STAM: variants seen among roughly 807,000 people sequenced by gnomAD.
STAM encodes the protein signal transducing adapter molecule 1.
In STAM, 16 loss-of-function variants were observed where a neutral mutation model predicts 63.4. That is an observed-to-expected ratio of 0.25 (90% confidence interval 0.17 to 0.38). The LOEUF is 0.38. Ranked by LOEUF, STAM falls within the 10% of genes least tolerant of loss-of-function variation. STAM has a pLI of 1.00. For synonymous variants in STAM, 238 were observed against 223.9 expected, an observed-to-expected ratio of 1.06 and a Z score of -0.56; for missense variants, 636 against 657.1, an observed-to-expected ratio of 0.97 and a Z score of 0.35.
Position 17,715,645 on chromosome 10 carries a change from G to C in STAM, c.*865G>C, listed in dbSNP as rs1311828776. Reference sequence around the variant, plus strand: ...AATGATGTTGGTTTACCTTTTCCTAGTTGAAGATAGTAATTAGGTTTCTAA... The same window carrying C: ...AATGATGTTGGTTTACCTTTTCCTACTTGAAGATAGTAATTAGGTTTCTAA... On this transcript the variant is annotated 3_prime_UTR_variant, in exon 14 of 14. Transcript: ENST00000377524. 6.6e-6 allele frequency: 1 copy of C among 152,490 alleles called. No individual in the cohort carries two copies. Among genetic ancestry groups the C allele is most frequent in the African/African-American group, 2.4e-5 (1 of 41,406 alleles). The allele number at this position is 152,490 out of a possible 1,614,324, so 9.4% of individuals were successfully genotyped here. A position where few individuals can be genotyped will look rare whatever the true frequency, so the allele number is the denominator to read the frequency against.
At chr10:17,644,505 G>T in intron 1 of STAM, 126 bp downstream of exon 1, 1 of 1,154,794 alleles carries the variant, frequency 8.7e-7, no homozygotes, top group South Asian at 1.3e-5. Flanking sequence ...CTTTCCTGAG[G>T]CTCCCTCCTT....
At chr10:17,664,137 C>T (rs71495282) in intron 2 of STAM, among the ~76,000 whole-genome samples, 6,256 of 152,156 alleles carry the variant, frequency 0.041, 163 homozygotes, top group East Asian at 0.16. Flanking sequence ...CCTGTGCCTA[C>T]ATGCATAAGC....
At chr10:17,649,739 C>G (rs1344153712) in intron 1 of STAM, among the ~76,000 whole-genome samples, 4 of 151,976 alleles carry the variant, frequency 2.6e-5, no homozygotes, top group African/African-American at 9.7e-5. Flanking sequence ...AAGTCTGGCT[C>G]TTCATTCATT....
rs1252317751 is a variant in STAM, at chr10:17,679,846, A to G, written c.126-4829A>G. 2.0e-5 allele frequency among the ~76,000 whole-genome samples: 3 copies of G among 151,290 alleles called. No individual in the cohort carries two copies. In the East Asian group the frequency reaches 5.8e-4, roughly 29 times the overall value. On this transcript the variant is annotated intron_variant, in intron 2 of 13. Coordinates refer to ENST00000377524, the MANE Select transcript of STAM (RefSeq NM_003473.4). ...GTCTTTGTAGGAATTTGTCCATTTTAACTAGGTTATCCAATTTGTTGGCAT... is the reference window on the plus strand; with the variant it reads ...GTCTTTGTAGGAATTTGTCCATTTTGACTAGGTTATCCAATTTGTTGGCAT...
intron 9 of STAM, among the ~76,000 whole-genome samples, chr10:17,702,543 A>G (rs375372161): frequency 5.3e-5 from 8 of 152,250 alleles, no homozygotes; most frequent in East Asian, 1.9e-4. Context: ...TTTTAAATGT[A>G]TAAGAAATGA....
chr10:17,658,413 T>A (rs1376352758), intron 1 of STAM, among the ~76,000 whole-genome samples: 3 of 152,188 alleles, frequency 2.0e-5, no homozygotes, highest in Admixed American at 2.0e-4. Flanking sequence ...TCTGTTGTTT[T>A]TGGATGAAGT....
At chr10:17,655,011 G>C (rs1554821976) in intron 1 of STAM, among the ~76,000 whole-genome samples, 1 of 152,124 alleles carries the variant, frequency 6.6e-6, no homozygotes, top group South Asian at 2.1e-4. Flanking sequence ...CACTTAATTA[G>C]AAACAGATTA....
chr10:17,693,356 A>AT, intron 6 of STAM, 44 bp downstream of exon 6: 1 of 1,456,710 alleles, frequency 6.9e-7, no homozygotes, highest in Non-Finnish European at 9.3e-7. Context: ...ATAAGCCTTT[A>AT]TTTTTTCTCT....
intron 1 of STAM, 36 bp downstream of exon 1, chr10:17,644,415 C>T (rs1554820543): frequency 5.0e-6 from 8 of 1,613,086 alleles, no homozygotes; most frequent in South Asian, 3.3e-5. Context: ...CATTCCTCAC[C>T]GGACTGCACG....
chr10:17,650,752 G>A (rs1481541773), intron 1 of STAM, among the ~76,000 whole-genome samples: 1 of 151,966 alleles, frequency 6.6e-6, no homozygotes, highest in Non-Finnish European at 1.5e-5. Flanking sequence ...GAATGTACGC[G>A]TGGCCCCTCC....
chr10:17,668,597 A>G (rs1589046752), intron 2 of STAM, among the ~76,000 whole-genome samples: 1 of 152,184 alleles, frequency 6.6e-6, no homozygotes, highest in Admixed American at 6.5e-5. Context: ...CCTTAAAATG[A>G]CCTGTGCTCC....
intron 2 of STAM, among the ~76,000 whole-genome samples, chr10:17,680,027 A>T (rs1835016205): frequency 6.6e-6 from 1 of 152,068 alleles, no homozygotes; most frequent in East Asian, 1.9e-4. Flanking sequence ...TTTAAAAAAA[A>T]ACTTGTGTTC....
chr10:17,705,370 G>C (rs541887518), intron 11 of STAM, among the ~76,000 whole-genome samples: 27 of 152,292 alleles, frequency 1.8e-4, no homozygotes, highest in African/African-American at 6.3e-4. Flanking sequence ...GTACAGTCAG[G>C]TACGATAAGA....
intron 2 of STAM, among the ~76,000 whole-genome samples, chr10:17,673,901 G>C (rs1834743553): frequency 6.6e-6 from 1 of 152,184 alleles, no homozygotes; most frequent in South Asian, 2.1e-4. Context: ...TCCAGGCACA[G>C]CTTGATGTGG....
intron 5 of STAM, among the ~76,000 whole-genome samples, chr10:17,688,659 C>T (rs1835401222): frequency 1.3e-5 from 2 of 151,362 alleles, no homozygotes; most frequent in South Asian, 4.2e-4. Context: ...AGGTGGGTTT[C>T]ACCATGTTGG....
chr10:17,692,941 C>G (rs1554826951), intron 5 of STAM, among the ~76,000 whole-genome samples: 1 of 151,988 alleles, frequency 6.6e-6, no homozygotes, highest in Non-Finnish European at 1.5e-5. Context: ...TCTAGTCTGT[C>G]TTCTCTGACT....
At position 17,684,722 on chromosome 10, in the gene STAM, A is replaced by T; in HGVS notation, c.173A>T (p.Asp58Val). Reference sequence around the variant, plus strand: ...ATTATGAGAAGAGTGAACCACAAAGATCCTCACGTTGCTATGCAGGCTTTG... The same window carrying T: ...ATTATGAGAAGAGTGAACCACAAAGTTCCTCACGTTGCTATGCAGGCTTTG... Reference protein sequence around the residue: ...RSIMRRVNHKDPHVAMQALTL... With the variant: ...RSIMRRVNHKVPHVAMQALTL... The change falls in exon 3 of 14, where the codon GAT becomes GTT. Residue 58 changes from aspartate to valine, a missense_variant. Physicochemically the swap from Asp to Val is radical, Grantham distance 152. This residue lies in a region of STAM where 87 missense variants were observed against 80.3 expected (regional missense o/e 1.08). Transcript: ENST00000377524. 1 of 1,613,994 alleles carries T rather than the reference A, an allele frequency of 6.2e-7. No homozygotes were observed. The highest frequency in any genetic ancestry group is 8.5e-7 in the Non-Finnish European group (1 of 1,179,990).
intron 2 of STAM, among the ~76,000 whole-genome samples, chr10:17,667,407 C>T (rs979742895): frequency 6.6e-6 from 1 of 152,208 alleles, no homozygotes; most frequent in Non-Finnish European, 1.5e-5. Context: ...CAGGCGTGAG[C>T]CACCGCATCC....
At chr10:17,658,236 A>C (rs1834020626) in intron 1 of STAM, among the ~76,000 whole-genome samples, 1 of 151,626 alleles carries the variant, frequency 6.6e-6, no homozygotes, top group Non-Finnish European at 1.5e-5. Context: ...GTTAGTCTCC[A>C]TGTACTTTGG....
Sources: allele counts gnomAD v4.1 joint callset (sites outside exome capture counted in the v4.1 genomes callset), GRCh38; gene constraint gnomAD v4.1.1; regional missense constraint gnomAD v4.1.1; transcripts MANE v1.5; gene names NCBI Gene and HGNC (gene_info 2026-07-23, HGNC 2026-07-21).